The following GRIA2 variants were observed in gnomAD, a reference collection of about 807,000 sequenced individuals.
GRIA2 encodes the protein glutamate receptor 2.
GRIA2 carries 14 observed loss-of-function variants against 97.3 expected under a neutral mutation model. The ratio of observed to expected loss-of-function variants is 0.14; its 90% CI spans 0.10 to 0.23. The LOEUF is 0.23. Among genes scored for constraint, GRIA2 ranks in the 10% least tolerant of loss-of-function variants. GRIA2 has a pLI of 1.00. For synonymous variants in GRIA2, 412 were observed against 387.8 expected (o/e 1.06, Z -0.73); for missense variants, 558 against 1,069.8 (o/e 0.52, Z 6.67).
chr4:157,243,328 A>T (rs185209058), intron 2 of GRIA2, among the ~76,000 whole-genome samples: 1 of 152,090 alleles, frequency 6.6e-6, no homozygotes, highest in East Asian at 1.9e-4. Context: ...TAGAAATCTG[A>T]TAGAGTTTAA....
At chr4:157,222,186 A>G (rs1729529645) in intron 2 of GRIA2, among the ~76,000 whole-genome samples, 1 of 151,952 alleles carries the variant, frequency 6.6e-6, no homozygotes, top group South Asian at 2.1e-4. Flanking sequence ...CCCACAGAGA[A>G]CACGTTGTTC....
chr4:157,289,674 A>G (rs1560749378), intron 2 of GRIA2, among the ~76,000 whole-genome samples: 2 of 151,874 alleles, frequency 1.3e-5, no homozygotes, highest in East Asian at 3.9e-4. Context: ...ATAAATATCA[A>G]TTAATAAAGT....
In GRIA2 at chr4:157,230,370, G is replaced by C. The variant is rs72962808; in HGVS notation, c.229+8563G>C. On this transcript the variant is annotated intron_variant, in intron 2 of 15. Coordinates refer to ENST00000264426, the MANE Select transcript of GRIA2 (RefSeq NM_001083619.3). ...AATATTTTTTTCCTTATTGTAGATT[G>C]AAATTACTATATTTCTTAAAAGTGA... is the stretch of plus-strand genomic sequence containing the variant. Among the ~76,000 whole-genome samples, 835 of 152,216 alleles carry C rather than the reference G, an allele frequency of 5.5e-3. 4 individuals carry two copies. Among genetic ancestry groups the C allele is most frequent in the African/African-American group, 0.019 (797 of 41,532 alleles).
chr4:157,297,065 A>T (rs1560752907), intron 2 of GRIA2, among the ~76,000 whole-genome samples: 2 of 152,168 alleles, frequency 1.3e-5, no homozygotes, highest in Admixed American at 1.3e-4. Context: ...TTTAAGCAGG[A>T]GGGTTATATC....
chr4:157,338,047 TATACAC>T (rs1456828922), intron 11 of GRIA2, among the ~76,000 whole-genome samples: 2 of 23,312 alleles, frequency 8.6e-5, no homozygotes, highest in Non-Finnish European at 1.6e-4. Context: ...TATATATATA[TATACAC>T]ACACATTTTT....
intron 6 of GRIA2, among the ~76,000 whole-genome samples, chr4:157,326,887 A>T (rs1253375435): frequency 6.6e-6 from 1 of 152,064 alleles, no homozygotes; most frequent in African/African-American, 2.4e-5. Context: ...ATACAGGAAG[A>T]TTACTATGGC....
chr4:157,323,527 A>C (rs1456025787), intron 6 of GRIA2, among the ~76,000 whole-genome samples: 2 of 151,898 alleles, frequency 1.3e-5, no homozygotes, highest in African/African-American at 4.8e-5. Flanking sequence ...GCTTCCGTCC[A>C]TTCAGAGATG....
At chr4:157,335,582 G>A (rs1262429229) in intron 9 of GRIA2, 89 bp from the exon 10 acceptor site, 2 of 776,062 alleles carry the variant, frequency 2.6e-6, no homozygotes, top group East Asian at 5.3e-5. Flanking sequence ...TGGCTAATGG[G>A]TAATAATTAA....
chr4:157,360,148 GTGGAA>G lies in GRIA2; in HGVS notation c.2291+7_2291+11del. 6.2e-7 allele frequency: 1 copy of G among 1,613,148 alleles called. No individual in the cohort carries two copies. Among genetic ancestry groups the G allele is most frequent in the Non-Finnish European group, 8.5e-7 (1 of 1,179,346 alleles). On this transcript the variant is annotated splice_donor_region_variant and intron_variant, in intron 13 of 15. Transcript: ENST00000264426. Reference sequence around the variant, plus strand: ...ACCTAAAGGATCCTCATTAAGGTGGGTGGAATAGTATAACAATATGCTAAATGTTG... The same window carrying G: ...ACCTAAAGGATCCTCATTAAGGTGGGTAGTATAACAATATGCTAAATGTTG...
intron 12 of GRIA2, among the ~76,000 whole-genome samples, chr4:157,347,302 T>C (rs1341153451): frequency 6.6e-6 from 1 of 152,206 alleles, no homozygotes; most frequent in Admixed American, 6.5e-5. Flanking sequence ...CCATAAGTAT[T>C]CTTTGCCAAT....
chr4:157,286,498 A>C (rs952407463), intron 2 of GRIA2, among the ~76,000 whole-genome samples: 1 of 151,496 alleles, frequency 6.6e-6, no homozygotes, highest in Non-Finnish European at 1.5e-5. Flanking sequence ...GGGCTTAATA[A>C]GAGCTAGCTT....
chr4:157,362,111 T>C (rs1173181526), intron 14 of GRIA2, among the ~76,000 whole-genome samples: 1 of 152,124 alleles, frequency 6.6e-6, no homozygotes, highest in Non-Finnish European at 1.5e-5. Flanking sequence ...CAAAGCTTTG[T>C]TGTGAGATGT....
At chr4:157,319,970 T>C (rs1734488783) in intron 5 of GRIA2, among the ~76,000 whole-genome samples, 1 of 152,236 alleles carries the variant, frequency 6.6e-6, no homozygotes, top group African/African-American at 2.4e-5. Context: ...GGTTCCATAA[T>C]GAATTCCAGC....
At chr4:157,277,836 A>G (rs1487709697) in intron 2 of GRIA2, among the ~76,000 whole-genome samples, 10 of 121,256 alleles carry the variant, frequency 8.2e-5, no homozygotes, top group African/African-American at 1.3e-4. Context: ...GTATATATGT[A>G]TATATATATG....
intron 12 of GRIA2, among the ~76,000 whole-genome samples, chr4:157,355,670 T>A (rs13151016): frequency 2.2e-5 from 2 of 92,830 alleles, no homozygotes; most frequent in South Asian, 3.8e-4. Context: ...ATATTTATTT[T>A]TATATATTTA....
Position 157,332,952 on chromosome 4 carries a change from G to C in GRIA2, c.1016G>C (p.Gly339Ala). ...CTGGCAAACCCAGCAGTGCCCTGGG[G>C]ACAAGGTGTAGAAATAGAAAGGGCC... Reference protein sequence around the residue: ...DCLANPAVPWGQGVEIERALK... With the variant: ...DCLANPAVPWAQGVEIERALK... Residue 339 changes from glycine to alanine, a missense_variant, in exon 7 of 16, where the codon GGA becomes GCA. Physicochemically the swap from Gly to Ala is moderately conservative, Grantham distance 60. Around this residue, in one of 8 missense-constraint regions of GRIA2, gnomAD observed 66 missense variants for 118.7 expected, o/e 0.56. Transcript: ENST00000264426. The C allele has an allele frequency of 1.2e-6, 2 of 1,611,604 alleles. No individual in the cohort carries two copies. The highest frequency in any genetic ancestry group is 8.5e-7 in the Non-Finnish European group (1 of 1,178,716).
intron 3 of GRIA2, 102 bp downstream of exon 3, chr4:157,303,893 A>AG: frequency 3.3e-6 from 4 of 1,221,734 alleles, no homozygotes; most frequent in Non-Finnish European, 4.7e-6. Context: ...ATAAAGCCCA[A>AG]GGATCCCTTG....
chr4:157,282,383 T>G (rs1235605816), intron 2 of GRIA2, among the ~76,000 whole-genome samples: 1 of 151,644 alleles, frequency 6.6e-6, no homozygotes, highest in Non-Finnish European at 1.5e-5. Flanking sequence ...GAAGTAGGAG[T>G]CTTAAAAGAA....
intron 3 of GRIA2, among the ~76,000 whole-genome samples, chr4:157,305,711 G>C (rs1224622965): frequency 6.6e-6 from 1 of 152,030 alleles, no homozygotes. Flanking sequence ...TTTCCTCAGA[G>C]ATGCCTTTCA....
Sources: gnomAD v4.1 joint callset for allele counts (sites outside exome capture counted in the v4.1 genomes callset) on GRCh38, gnomAD v4.1.1 for gene constraint, gnomAD v4.1.1 regional missense constraint, MANE v1.5 for transcripts, NCBI Gene and HGNC (gene_info 2026-07-23, HGNC 2026-07-21) for gene names.